Variants in CEMIP observed in about 807,000 individuals in gnomAD.
The protein encoded by CEMIP is cell migration-inducing and hyaluronan-binding protein.
CEMIP carries 105 observed loss-of-function variants against 156.9 expected under a neutral mutation model. The ratio of observed to expected loss-of-function variants is 0.67; its 90% CI spans 0.57 to 0.79. The LOEUF (loss-of-function observed/expected upper bound fraction) is 0.79. Ranked by LOEUF, CEMIP falls within the 30% of genes least tolerant of loss-of-function variation. The pLI is 0.00. For missense variants in CEMIP, 1,457 were observed against 1,769.4 expected, an observed-to-expected ratio of 0.82 and a Z score of 3.17; for synonymous variants, 676 against 668.4, an observed-to-expected ratio of 1.01 and a Z score of -0.17.
intron 28 of CEMIP, among the ~76,000 whole-genome samples, chr15:80,943,993 A>G (rs1280548767): frequency 1.3e-5 from 2 of 152,128 alleles, no homozygotes; most frequent in Non-Finnish European, 2.9e-5. Flanking sequence ...CAAAAGTTCT[A>G]CCTTGGCAGG....
Position 80,895,158 on chromosome 15 carries a change from A to G in CEMIP, c.1219+36A>G, listed in dbSNP as rs371835292. 6.4e-5 allele frequency: 104 copies of G among 1,613,652 alleles called. 1 individual carries two copies. The highest frequency in any genetic ancestry group is 5.0e-4 in the Middle Eastern group (3 of 5,990). On this transcript the variant is annotated intron_variant, in intron 11 of 29. Transcript: ENST00000394685. ...CCTTGTCGGGGACACAGATGCAACT[A>G]TGGCTCGGTTCCTTGAACTGGCAGC...
intron 1 of CEMIP, among the ~76,000 whole-genome samples, chr15:80,808,632 C>T (rs538655470): frequency 3.1e-4 from 47 of 151,730 alleles, no homozygotes; most frequent in African/African-American, 8.5e-4. Flanking sequence ...ATAACTATAG[C>T]ATGGAAAGGT....
At chr15:80,784,132 G>A (rs1041481160) in intron 1 of CEMIP, among the ~76,000 whole-genome samples, 1 of 152,196 alleles carries the variant, frequency 6.6e-6, no homozygotes, top group South Asian at 2.1e-4. Flanking sequence ...TCTTCTGGAA[G>A]GGCAGTCATA....
intron 14 of CEMIP, 156 bp downstream of exon 14, chr15:80,909,462 A>C: frequency 1.3e-6 from 1 of 764,734 alleles, no homozygotes; most frequent in South Asian, 1.5e-5. Context: ...GCAGATCACC[A>C]ACCAAACAGG....
intron 1 of CEMIP, among the ~76,000 whole-genome samples, chr15:80,829,992 G>GTGTT (rs2141675456): frequency 6.8e-6 from 1 of 146,628 alleles, no homozygotes; most frequent in South Asian, 2.2e-4. Context: ...GTGTGTGTGT[G>GTGTT]TGTGTGTGTG....
chr15:80,882,034 C>G (rs2141830066), intron 6 of CEMIP, among the ~76,000 whole-genome samples: 1 of 152,262 alleles, frequency 6.6e-6, no homozygotes, highest in Non-Finnish European at 1.5e-5. Context: ...GGTAGACAAA[C>G]AGAGACAGAG....
intron 1 of CEMIP, 40 bp downstream of exon 1, chr15:80,779,654 G>C (rs1895738457): frequency 6.6e-6 from 1 of 152,304 alleles, no homozygotes; most frequent in African/African-American, 2.4e-5. Flanking sequence ...ATGAGCTGAC[G>C]GCCCATGCCA....
At chr15:80,854,690 A>G (rs1344959351) in intron 1 of CEMIP, among the ~76,000 whole-genome samples, 2 of 152,236 alleles carry the variant, frequency 1.3e-5, no homozygotes, top group East Asian at 3.8e-4. Flanking sequence ...CGAAACCTCA[A>G]TTAGGCAGAA....
At chr15:80,901,592 C>T (rs1899556213) in intron 12 of CEMIP, among the ~76,000 whole-genome samples, 1 of 151,850 alleles carries the variant, frequency 6.6e-6, no homozygotes, top group South Asian at 2.1e-4. Flanking sequence ...ATCCCAGCTA[C>T]TCGGGAGGCT....
chr15:80,885,866 C>T lies in CEMIP; in HGVS notation c.797+1512C>T, dbSNP rs142417574. Among the ~76,000 whole-genome samples, 6 of 152,346 alleles carry T rather than the reference C, an allele frequency of 3.9e-5. No homozygotes were observed. The East Asian group carries it at 5.8e-4, about 15-fold the overall frequency. ...AGCCACTGGAAAGGTGGGCACTCGC[C>T]GTCTTTTGCCAGGGCTGTTCACATG... On this transcript the variant is annotated intron_variant, in intron 7 of 29. Coordinates refer to ENST00000394685, the MANE Select transcript of CEMIP (RefSeq NM_001293298.2).
intron 28 of CEMIP, 116 bp downstream of exon 28, chr15:80,943,218 GTCTCC>G: frequency 1.8e-6 from 2 of 1,121,000 alleles, no homozygotes; most frequent in Non-Finnish European, 1.4e-6. Context: ...AGCTCAGGCA[GTCTCC>G]ACAGCCTGCC....
In CEMIP at chr15:80,788,040, C is replaced by T. The variant is rs1253984103; in HGVS notation, c.-176+8426C>T. Among the ~76,000 whole-genome samples, 4 of 152,166 alleles carry T rather than the reference C, an allele frequency of 2.6e-5. No individual in the cohort carries two copies. The South Asian group carries it at 6.2e-4, about 24-fold the overall frequency. On this transcript the variant is annotated intron_variant, in intron 1 of 29. Coordinates refer to ENST00000394685, the MANE Select transcript of CEMIP (RefSeq NM_001293298.2). Reference sequence around the variant, plus strand: ...CCCCCTAAAGGCTCGCCTCAGGAGTCCTACTGAATCCTGGGTCTCCAGTGC... The same window carrying T: ...CCCCCTAAAGGCTCGCCTCAGGAGTTCTACTGAATCCTGGGTCTCCAGTGC...
chr15:80,814,502 C>T (rs151019881), intron 1 of CEMIP, among the ~76,000 whole-genome samples: 7 of 152,276 alleles, frequency 4.6e-5, no homozygotes, highest in Admixed American at 3.9e-4. Flanking sequence ...GTTCACATGT[C>T]GCTGACAATC....
At chr15:80,940,089 A>T (rs1184761124) in intron 25 of CEMIP, among the ~76,000 whole-genome samples, 1 of 152,246 alleles carries the variant, frequency 6.6e-6, no homozygotes, top group Non-Finnish European at 1.5e-5. Flanking sequence ...TTACTAAATT[A>T]TAAACAAGTA....
At chr15:80,849,289 T>C (rs372194074) in intron 1 of CEMIP, among the ~76,000 whole-genome samples, 31 of 152,166 alleles carry the variant, frequency 2.0e-4, no homozygotes, top group African/African-American at 7.0e-4. Flanking sequence ...CCAATCTCTT[T>C]AAAATATGTC....
chr15:80,884,952 C>T (rs573405995), intron 7 of CEMIP, among the ~76,000 whole-genome samples: 5 of 152,210 alleles, frequency 3.3e-5, no homozygotes, highest in Admixed American at 6.5e-5. Flanking sequence ...ATATGCAGGA[C>T]GTGCTTGTTT....
In CEMIP at chr15:80,937,811, T is replaced by A; in HGVS notation, c.3239T>A (p.Val1080Glu). ...INFNKGDWIR[V>E]GLCYPRGTTF... is the part of the protein sequence containing the mutation. ...AATCCTAGGGGCGACTGGATCCGAG[T>A]GGGGCTCTGCTACCCGCGAGGCACC... The change falls in exon 25 of 30, where the codon GTG becomes GAG. Residue 1080 changes from valine (V) to glutamate (E), a missense_variant. Val to Glu is a moderately radical substitution (Grantham distance 121). Around this residue, in one of 5 missense-constraint regions of CEMIP, gnomAD observed 798 missense variants for 980.1 expected, o/e 0.81. Coordinates refer to ENST00000394685, the MANE Select transcript of CEMIP (RefSeq NM_001293298.2). The A allele has an allele frequency of 6.2e-7, 1 of 1,614,186 alleles. No homozygotes were observed. Among genetic ancestry groups the A allele is most frequent in the Non-Finnish European group, 8.5e-7 (1 of 1,180,022 alleles).
At chr15:80,810,524 C>T (rs973648303) in intron 1 of CEMIP, among the ~76,000 whole-genome samples, 2 of 152,168 alleles carry the variant, frequency 1.3e-5, no homozygotes, top group Non-Finnish European at 2.9e-5. Context: ...CCCTCCACTG[C>T]GGCCAGCTAA....
In CEMIP at chr15:80,879,860, T is replaced by C; in HGVS notation, c.380+6T>C. ...ACCATCATTTTGTATGGAAGGTGCGTAGACCACTCCTACAGATCAAATGCT... is the reference window on the plus strand; with the variant it reads ...ACCATCATTTTGTATGGAAGGTGCGCAGACCACTCCTACAGATCAAATGCT... On this transcript the variant is annotated splice_donor_region_variant and intron_variant, in intron 5 of 29. Transcript: ENST00000394685. The C allele has an allele frequency of 6.2e-7, 1 of 1,614,042 alleles. No homozygotes were observed. Among genetic ancestry groups the C allele is most frequent in the South Asian group, 1.1e-5 (1 of 91,068 alleles).
Sources: gnomAD v4.1 joint callset for allele counts (sites outside exome capture counted in the v4.1 genomes callset) on GRCh38, gnomAD v4.1.1 for gene constraint, gnomAD v4.1.1 regional missense constraint, MANE v1.5 for transcripts, NCBI Gene and HGNC (gene_info 2026-07-23, HGNC 2026-07-21) for gene names.